SVOP: variants seen among roughly 807,000 people sequenced by gnomAD.
The protein encoded by SVOP is SV2 related protein, also known as synaptic vesicle 2-related protein.
SVOP carries 17 observed loss-of-function variants against 69.1 expected under a neutral mutation model. The ratio of observed to expected loss-of-function variants is 0.25; its 90% CI spans 0.17 to 0.37. The LOEUF is 0.37. SVOP is among the 10% of genes least tolerant of loss of function. The probability of loss-of-function intolerance (pLI) is 1.00; values close to 1 mark genes in which losing one functional copy is unlikely to be tolerated. For synonymous variants in SVOP, 238 were observed against 238.6 expected, an observed-to-expected ratio of 1.00 and a Z score of 0.02; for missense variants, 435 against 597.5, an observed-to-expected ratio of 0.73 and a Z score of 2.84.
At chr12:108,925,475 C>T (rs565436341) in intron 11 of SVOP, among the ~76,000 whole-genome samples, 1 of 152,336 alleles carries the variant, frequency 6.6e-6, no homozygotes, top group East Asian at 1.9e-4. Context: ...TCCACCCAGC[C>T]ATGGTCTATT....
chr12:108,966,843 C>A (rs1479873170), intron 5 of SVOP, among the ~76,000 whole-genome samples: 1 of 152,152 alleles, frequency 6.6e-6, no homozygotes, highest in Non-Finnish European at 1.5e-5. Flanking sequence ...TGTCTCCCAG[C>A]GGCCAAGGTC....
rs185883753 is a variant in SVOP, at chr12:109,012,017, T to C, written c.35+8817A>G. On this transcript the variant is annotated intron_variant, in intron 1 of 15. Coordinates refer to ENST00000610966, the MANE Select transcript of SVOP (RefSeq NM_018711.5). Reference sequence around the variant, plus strand: ...TTTCAGTTAGGCTGGGCGCAGTGGCTCATGCCTCTAATCCCAGGACTTTGG... The same window carrying C: ...TTTCAGTTAGGCTGGGCGCAGTGGCCCATGCCTCTAATCCCAGGACTTTGG... Among the ~76,000 whole-genome samples the C allele has an allele frequency of 1.9e-3, 290 of 152,272 alleles. 2 individuals carry two copies. Among genetic ancestry groups the C allele is most frequent in the African/African-American group, 6.4e-3 (267 of 41,556 alleles).
intron 1 of SVOP, among the ~76,000 whole-genome samples, chr12:109,007,621 G>A (rs2040316085): frequency 6.6e-6 from 1 of 152,192 alleles, no homozygotes; most frequent in African/African-American, 2.4e-5. Flanking sequence ...GTGTCCCTGT[G>A]ATTGGCTCAG....
Position 108,961,123 on chromosome 12 carries a change from G to A in SVOP, c.454-76C>T, listed in dbSNP as rs928859439. On this transcript the variant is annotated intron_variant, in intron 5 of 15. Transcript: ENST00000610966. ...TAGCGTTTGCACCTCACTGAGAGCC[G>A]CCGATAATGGGGTCACATTAAAGGG... 4.9e-5 allele frequency: 71 copies of A among 1,457,450 alleles called. 1 individual carries two copies. The highest frequency in any genetic ancestry group is 3.0e-4 in the African/African-American group (21 of 71,002). 90.3% of individuals were successfully genotyped at this position (1,457,450 alleles called of 1,614,324 possible).
chr12:108,994,997 T>C (rs2040223529), intron 1 of SVOP, among the ~76,000 whole-genome samples: 1 of 151,788 alleles, frequency 6.6e-6, no homozygotes, highest in South Asian at 2.1e-4. Context: ...TTTAAAAAAT[T>C]AGCTGGGCAT....
rs529323521 is a variant in SVOP, at chr12:108,998,643, T to C, written c.36-14882A>G. Among the ~76,000 whole-genome samples the C allele has an allele frequency of 1.5e-3, 224 of 151,048 alleles. 1 individual carries two copies. Among genetic ancestry groups the C allele is most frequent in the African/African-American group, 5.2e-3 (214 of 41,132 alleles). On this transcript the variant is annotated intron_variant, in intron 1 of 15. Coordinates refer to ENST00000610966, the MANE Select transcript of SVOP (RefSeq NM_018711.5). ...AGAAACCCTACAAGCCATAAGAGAG[T>C]GGGGGCCAATATTCAACATTCTTAA...
intron 6 of SVOP, among the ~76,000 whole-genome samples, chr12:108,946,184 C>T: frequency 6.6e-6 from 1 of 152,124 alleles, no homozygotes; most frequent in Non-Finnish European, 1.5e-5. Context: ...CTTCAACCTT[C>T]CAGGCTCAAG....
chr12:108,972,520 C>A, intron 4 of SVOP, 44 bp from the exon 5 acceptor site: 1 of 1,524,886 alleles, frequency 6.6e-7, no homozygotes, highest in Non-Finnish European at 8.8e-7. Context: ...GGATGTGGAT[C>A]ATTGCACAGA....
chr12:108,931,880 T>C (rs1244268533), intron 11 of SVOP, among the ~76,000 whole-genome samples: 1 of 151,312 alleles, frequency 6.6e-6, no homozygotes, highest in Non-Finnish European at 1.5e-5. Context: ...TATGTGGCCG[T>C]GGTGGAGAGC....
At chr12:108,972,603 T>A (rs145037205) in intron 4 of SVOP, 127 bp from the exon 5 acceptor site, 84 of 968,970 alleles carry the variant, frequency 8.7e-5, no homozygotes, top group Middle Eastern at 6.0e-4. Context: ...ACTGAGAGCC[T>A]GCCAAGGGGC....
At chr12:108,924,110 T>C (rs1307339086) in intron 11 of SVOP, among the ~76,000 whole-genome samples, 1 of 152,204 alleles carries the variant, frequency 6.6e-6, no homozygotes, top group Non-Finnish European at 1.5e-5. Context: ...CCAGCCCTTA[T>C]GCCATCTGAG....
At chr12:108,939,857 G>A (rs1261199903) in intron 8 of SVOP, among the ~76,000 whole-genome samples, 6 of 152,210 alleles carry the variant, frequency 3.9e-5, no homozygotes, top group African/African-American at 1.4e-4. Context: ...TATTTAAGAA[G>A]TGACTGTGCA....
intron 5 of SVOP, among the ~76,000 whole-genome samples, chr12:108,967,721 G>A (rs1250841788): frequency 6.6e-6 from 1 of 152,116 alleles, no homozygotes; most frequent in Non-Finnish European, 1.5e-5. Flanking sequence ...GGGCTATGAA[G>A]CAGAATCCTT....
In SVOP at chr12:108,977,394, C is replaced by A; in HGVS notation, c.381+4G>T. ...CAACAGAAGGGAGCTGCTGGGCTGC[C>A]TACCGAGGTCAGCAATGCCACCTGC... On this transcript the variant is annotated splice_donor_region_variant and intron_variant, in intron 4 of 15. Transcript: ENST00000610966. 1 of 1,536,988 alleles carries A rather than the reference C, an allele frequency of 6.5e-7. No individual in the cohort carries two copies. The highest frequency in any genetic ancestry group is 8.7e-7 in the Non-Finnish European group (1 of 1,146,858).
intron 7 of SVOP, among the ~76,000 whole-genome samples, chr12:108,942,365 G>A (rs1183892478): frequency 6.6e-6 from 1 of 152,128 alleles, no homozygotes. Context: ...CTTGCCCAAT[G>A]GTGCCCCAGA....
chr12:109,016,483 C>A (rs2135635356), intron 1 of SVOP, among the ~76,000 whole-genome samples: 1 of 152,324 alleles, frequency 6.6e-6, no homozygotes, highest in South Asian at 2.1e-4. Flanking sequence ...GGCCTACTCC[C>A]TGTTATCCTC....
In SVOP at chr12:108,912,285, G is replaced by A. The variant is rs1333316730; in HGVS notation, c.*250C>T. 1.4e-6 allele frequency: 2 copies of A among 1,383,082 alleles called. No individual in the cohort carries two copies. The highest frequency in any genetic ancestry group is 3.1e-5 in the Admixed American group (1 of 32,334). The allele number at this position is 1,383,082 out of a possible 1,614,324, so 85.7% of individuals were successfully genotyped here. On this transcript the variant is annotated 3_prime_UTR_variant, in exon 16 of 16. Transcript: ENST00000610966. ...CTCCTAATATGGGTAGTCTTCCCATGTAGATCCACAGGTTATGAACAAAGC... is the reference window on the plus strand; with the variant it reads ...CTCCTAATATGGGTAGTCTTCCCATATAGATCCACAGGTTATGAACAAAGC...
chr12:108,915,735 T>C (rs1236171902), intron 15 of SVOP, 48 bp downstream of exon 15: 1 of 1,547,006 alleles, frequency 6.5e-7, no homozygotes, highest in Non-Finnish European at 8.7e-7. Context: ...TTGCCATGCA[T>C]GGGGTTTTGT....
At position 108,908,425 on chromosome 12, in the gene SVOP, T is replaced by A. The variant is rs568394103; in HGVS notation, c.*4110A>T. 6.6e-6 allele frequency: 1 copy of A among 152,348 alleles called. No homozygotes were observed. The highest frequency in any genetic ancestry group is 1.9e-4 in the East Asian group (1 of 5,186). The allele number at this position is 152,348 out of a possible 1,614,324, so 9.4% of individuals were successfully genotyped here. A position where few individuals can be genotyped will look rare whatever the true frequency, so the allele number is the denominator to read the frequency against. On this transcript the variant is annotated 3_prime_UTR_variant, in exon 16 of 16. Coordinates refer to ENST00000610966, the MANE Select transcript of SVOP (RefSeq NM_018711.5). ...TTTGAACATTTTTGATCCAATATACTAATATTTGGAGATTTCACAGAAAAA... is the reference window on the plus strand; with the variant it reads ...TTTGAACATTTTTGATCCAATATACAAATATTTGGAGATTTCACAGAAAAA...
Sources: gnomAD v4.1 joint callset for allele counts (sites outside exome capture counted in the v4.1 genomes callset) on GRCh38, gnomAD v4.1.1 for gene constraint, MANE v1.5 for transcripts, NCBI Gene and HGNC (gene_info 2026-07-23, HGNC 2026-07-21) for gene names.